ROBO1: variants seen among roughly 807,000 people sequenced by gnomAD.
ROBO1 encodes roundabout homolog 1.
Under a neutral mutation model 195.9 loss-of-function variants are expected in ROBO1, and 149 were observed. The ratio of observed to expected loss-of-function variants is 0.76; its 90% CI spans 0.67 to 0.87. The LOEUF is 0.87. Among genes scored for constraint, ROBO1 ranks in the 40% least tolerant of loss-of-function variants. The probability of loss-of-function intolerance (pLI) is 0.00; values close to 1 mark genes in which losing one functional copy is unlikely to be tolerated. For synonymous variants in ROBO1, 816 were observed against 733.2 expected, an observed-to-expected ratio of 1.11 and a Z score of -1.82; for missense variants, 1,933 against 2,068.3, an observed-to-expected ratio of 0.93 and a Z score of 1.27.
chr3:79,693,346 T>C lies in ROBO1; in HGVS notation c.-51+74406A>G, dbSNP rs182587502. Among the ~76,000 whole-genome samples the C allele has an allele frequency of 9.2e-5, 14 of 151,628 alleles. No homozygotes were observed. The East Asian group carries it at 2.7e-3, about 30-fold the overall frequency. On this transcript the variant is annotated intron_variant, in intron 1 of 30. Transcript: ENST00000464233. ...AGTTTTATTGAAATACACAAGCAGA[T>C]CACCTGTTAATAAAATACACATCAA...
chr3:79,525,688 C>A (rs956012627), intron 2 of ROBO1, among the ~76,000 whole-genome samples: 1 of 150,246 alleles, frequency 6.7e-6, no homozygotes, highest in African/African-American at 2.4e-5. Flanking sequence ...TCACTGCAAC[C>A]TCCGCTTCCC....
At chr3:79,036,746 G>A (rs529627015) in intron 3 of ROBO1, among the ~76,000 whole-genome samples, 4 of 152,190 alleles carry the variant, frequency 2.6e-5, no homozygotes, top group Admixed American at 2.6e-4. Flanking sequence ...ATTTTAAGTT[G>A]AAGTCAGCTG....
chr3:79,173,902 T>C (rs2081215879), intron 2 of ROBO1, among the ~76,000 whole-genome samples: 1 of 152,290 alleles, frequency 6.6e-6, no homozygotes, highest in Admixed American at 6.5e-5. Flanking sequence ...ACCCTGTGTC[T>C]AGCTCAGGGT....
chr3:79,519,545 C>T (rs151081232), intron 2 of ROBO1, among the ~76,000 whole-genome samples: 2 of 133,998 alleles, frequency 1.5e-5, no homozygotes, highest in African/African-American at 5.5e-5. Flanking sequence ...AGGAGAATGG[C>T]GTGAACCTGG....
chr3:79,485,036 G>A (rs1356585168), intron 2 of ROBO1, among the ~76,000 whole-genome samples: 2 of 151,886 alleles, frequency 1.3e-5, no homozygotes, highest in African/African-American at 2.4e-5. Context: ...ACAGGCGTGA[G>A]CCACCATGCC....
chr3:79,101,430 C>T (rs957869125), intron 3 of ROBO1, among the ~76,000 whole-genome samples: 2 of 151,754 alleles, frequency 1.3e-5, no homozygotes, highest in Admixed American at 6.6e-5. Context: ...AATTTGAGGA[C>T]GTTACTGAAC....
At chr3:79,686,407 A>G (rs1250086111) in intron 1 of ROBO1, among the ~76,000 whole-genome samples, 1 of 152,156 alleles carries the variant, frequency 6.6e-6, no homozygotes, top group African/African-American at 2.4e-5. Context: ...AGGGTATTCA[A>G]TTAGGAAAAG....
chr3:79,491,916 C>T lies in ROBO1; in HGVS notation c.88+97908G>A, dbSNP rs951329567. Among the ~76,000 whole-genome samples, 19 of 151,830 alleles carry T rather than the reference C, an allele frequency of 1.3e-4. No individual in the cohort carries two copies. In the South Asian group the frequency reaches 1.5e-3, roughly 12 times the overall value. Reference sequence around the variant, plus strand: ...GTGAAGAGGTAAATGGATCCAAATGCCTTGTTATAAGGCATTTGACAATGC... The same window carrying T: ...GTGAAGAGGTAAATGGATCCAAATGTCTTGTTATAAGGCATTTGACAATGC... On this transcript the variant is annotated intron_variant, in intron 2 of 30. Transcript: ENST00000464233.
intron 23 of ROBO1, chr3:78,634,506 C>T: frequency 2.8e-6 from 1 of 362,140 alleles, no homozygotes; most frequent in South Asian, 2.1e-5. Context: ...AGTTGCATTC[C>T]AGGTTCTTTA....
At chr3:79,358,573 A>G (rs1260441801) in intron 2 of ROBO1, among the ~76,000 whole-genome samples, 3 of 152,060 alleles carry the variant, frequency 2.0e-5, no homozygotes, top group Admixed American at 6.6e-5. Context: ...AGATTTCAAC[A>G]TATGTATGGG....
Position 78,986,479 on chromosome 3 carries a change from C to T in ROBO1, c.173-47552G>A, listed in dbSNP as rs140521698. Reference sequence around the variant, plus strand: ...CTCTCAAATCGCTTTGTAATATATACTATTCACCCAGCCTGGAGTCTTCAA... The same window carrying T: ...CTCTCAAATCGCTTTGTAATATATATTATTCACCCAGCCTGGAGTCTTCAA... On this transcript the variant is annotated intron_variant, in intron 3 of 30. Coordinates refer to ENST00000464233, the MANE Select transcript of ROBO1 (RefSeq NM_002941.4). Among the ~76,000 whole-genome samples the T allele has an allele frequency of 4.9e-3, 738 of 151,388 alleles. 8 individuals carry two copies. The highest frequency in any genetic ancestry group is 0.016 in the African/African-American group (671 of 41,224).
intron 2 of ROBO1, among the ~76,000 whole-genome samples, chr3:79,495,197 T>G (rs893867185): frequency 6.6e-6 from 1 of 152,148 alleles, no homozygotes; most frequent in African/African-American, 2.4e-5. Context: ...AATCATATGG[T>G]AATTGGGACA....
At chr3:78,780,385 A>G (rs1320482201) in intron 4 of ROBO1, among the ~76,000 whole-genome samples, 3 of 152,200 alleles carry the variant, frequency 2.0e-5, no homozygotes, top group Non-Finnish European at 4.4e-5. Context: ...AATACTAACA[A>G]TAAGTAATCT....
intron 4 of ROBO1, among the ~76,000 whole-genome samples, chr3:78,787,165 G>A (rs776740330): frequency 2.0e-5 from 3 of 152,256 alleles, no homozygotes; most frequent in Non-Finnish European, 4.4e-5. Context: ...ATGATGCATA[G>A]CCAAGGAACC....
chr3:79,654,456 G>A (rs945986507), intron 1 of ROBO1, among the ~76,000 whole-genome samples: 1 of 151,900 alleles, frequency 6.6e-6, no homozygotes, highest in Non-Finnish European at 1.5e-5. Flanking sequence ...GAAAAAATAA[G>A]TGACTTATTC....
At chr3:79,603,163 C>T (rs574808658) in intron 1 of ROBO1, among the ~76,000 whole-genome samples, 1 of 152,062 alleles carries the variant, frequency 6.6e-6, no homozygotes, top group African/African-American at 2.4e-5. Flanking sequence ...ATTGAGATGG[C>T]TTGAAATTAA....
chr3:78,634,890 T>C (rs1039955480), intron 23 of ROBO1, among the ~76,000 whole-genome samples: 5 of 152,316 alleles, frequency 3.3e-5, no homozygotes, highest in African/African-American at 1.2e-4. Context: ...TCAACTGTGA[T>C]AAATCGCATT....
At chr3:79,573,645 T>TA (rs1328556784) in intron 2 of ROBO1, among the ~76,000 whole-genome samples, 1 of 152,158 alleles carries the variant, frequency 6.6e-6, no homozygotes, top group East Asian at 1.9e-4. Flanking sequence ...ATCGATGGTT[T>TA]AAAGAACATG....
intron 3 of ROBO1, among the ~76,000 whole-genome samples, chr3:78,964,313 G>A (rs896115466): frequency 5.3e-5 from 8 of 152,060 alleles, no homozygotes; most frequent in Admixed American, 3.9e-4. Flanking sequence ...ACAACATTTT[G>A]GGGGACAAAA....
Sources: gnomAD v4.1 joint callset for allele counts (sites outside exome capture counted in the v4.1 genomes callset) on GRCh38, gnomAD v4.1.1 for gene constraint, MANE v1.5 for transcripts, NCBI Gene and HGNC (gene_info 2026-07-23, HGNC 2026-07-21) for gene names.